The following IL1RAPL2 variants were observed in gnomAD, a reference collection of about 807,000 sequenced individuals.
The protein encoded by IL1RAPL2 is interleukin 1 receptor accessory protein like 2.
Under a neutral mutation model 44.1 loss-of-function variants are expected in IL1RAPL2, and 3 were observed. The observed-to-expected ratio is 0.07, with a 90% CI of 0.03 to 0.18. The LOEUF (loss-of-function observed/expected upper bound fraction) is 0.18. Ranked by LOEUF, IL1RAPL2 falls within the 10% of genes least tolerant of loss-of-function variation. The pLI, the probability that IL1RAPL2 is intolerant of heterozygous loss-of-function variation, is 1.00. For synonymous variants in IL1RAPL2, 181 were observed against 178.8 expected, an observed-to-expected ratio of 1.01 and a Z score of -0.10; for missense variants, 391 against 496.4, an observed-to-expected ratio of 0.79 and a Z score of 2.02.
At chrX:105,378,126 T>C (rs2035402022) in intron 5 of IL1RAPL2, among the ~76,000 whole-genome samples, 1 of 111,820 alleles carries the variant, frequency 8.9e-6, no homozygotes, top group African/African-American at 3.2e-5. Context: ...AAGGACATTC[T>C]CCTTGTTTCA....
chrX:105,698,695 T>A (rs1190062810), intron 6 of IL1RAPL2, among the ~76,000 whole-genome samples: 3 of 112,038 alleles, frequency 2.7e-5, no homozygotes, highest in Non-Finnish European at 5.6e-5. Flanking sequence ...GTAAGAGAAA[T>A]AAGCTTTGAA....
chrX:104,825,971 G>A (rs924709692), intron 2 of IL1RAPL2, among the ~76,000 whole-genome samples: 1 of 111,556 alleles, frequency 9.0e-6, no homozygotes, highest in Non-Finnish European at 1.9e-5. Flanking sequence ...ACCTAAAATG[G>A]TCCTTGACTG....
intron 4 of IL1RAPL2, among the ~76,000 whole-genome samples, chrX:105,252,058 C>T (rs990286878): frequency 1.8e-5 from 2 of 111,197 alleles, no homozygotes; most frequent in African/African-American, 3.3e-5. Context: ...TTCTGTCACT[C>T]CAAGTTCTTC....
At chrX:105,260,516 A>C (rs1413773676) in intron 4 of IL1RAPL2, among the ~76,000 whole-genome samples, 1 of 112,183 alleles carries the variant, frequency 8.9e-6, no homozygotes, top group African/African-American at 3.2e-5. Flanking sequence ...TGAAATGGCT[A>C]GGTCACCCAA....
intron 2 of IL1RAPL2, among the ~76,000 whole-genome samples, chrX:104,995,680 A>G (rs1470782581): frequency 8.9e-6 from 1 of 111,985 alleles, no homozygotes; most frequent in African/African-American, 3.2e-5. Context: ...ATTTATCTTT[A>G]TGATAGAATG....
intron 2 of IL1RAPL2, among the ~76,000 whole-genome samples, chrX:105,085,540 A>T (rs752946759): frequency 8.9e-6 from 1 of 112,658 alleles, no homozygotes; most frequent in South Asian, 3.7e-4. Flanking sequence ...GCAAGGGTGT[A>T]CAGAAAAGAG....
At chrX:105,092,664 T>C (rs1388416450) in intron 2 of IL1RAPL2, among the ~76,000 whole-genome samples, 1 of 111,538 alleles carries the variant, frequency 9.0e-6, no homozygotes, top group Non-Finnish European at 1.9e-5. Context: ...CTGTCTATCA[T>C]AAGGCCCCTA....
chrX:105,578,654 A>G (rs1216315065), intron 6 of IL1RAPL2, among the ~76,000 whole-genome samples: 1 of 110,938 alleles, frequency 9.0e-6, no homozygotes, highest in Non-Finnish European at 1.9e-5. Context: ...AATAATTACA[A>G]AGGGAACAGA....
chrX:105,409,927 G>A (rs758006152), intron 5 of IL1RAPL2, among the ~76,000 whole-genome samples: 3 of 109,582 alleles, frequency 2.7e-5, no homozygotes, highest in South Asian at 4.0e-4. Flanking sequence ...TATAGATTTG[G>A]GGTATGCTTA....
intron 1 of IL1RAPL2, among the ~76,000 whole-genome samples, chrX:104,650,723 C>T (rs1930137917): frequency 8.9e-6 from 1 of 111,896 alleles, no homozygotes; most frequent in Non-Finnish European, 1.9e-5. Flanking sequence ...TGACTAAGTA[C>T]TCTACTATGC....
chrX:105,238,081 G>C (rs1295637151), intron 4 of IL1RAPL2, among the ~76,000 whole-genome samples: 1 of 112,181 alleles, frequency 8.9e-6, no homozygotes, highest in Non-Finnish European at 1.9e-5. Context: ...AATATTTATG[G>C]ACAGAAAAAG....
At chrX:104,763,529 C>A (rs746128849) in intron 2 of IL1RAPL2, among the ~76,000 whole-genome samples, 1 of 111,872 alleles carries the variant, frequency 8.9e-6, no homozygotes, top group Non-Finnish European at 1.9e-5. Flanking sequence ...CCACTCTCTG[C>A]AATACCAAAT....
chrX:105,193,500 A>G (rs1209197179), intron 2 of IL1RAPL2, among the ~76,000 whole-genome samples: 1 of 112,139 alleles, frequency 8.9e-6, no homozygotes, highest in Non-Finnish European at 1.9e-5. Flanking sequence ...AGAATAATAT[A>G]AAATCCATTT....
intron 6 of IL1RAPL2, among the ~76,000 whole-genome samples, chrX:105,606,815 G>A (rs1034512320): frequency 9.0e-6 from 1 of 111,285 alleles, no homozygotes; most frequent in Non-Finnish European, 1.9e-5. Flanking sequence ...AATACAGTAT[G>A]TTCTCACTCA....
chrX:105,704,731 T>C (rs905347603), intron 6 of IL1RAPL2, among the ~76,000 whole-genome samples: 1 of 110,725 alleles, frequency 9.0e-6, no homozygotes, highest in African/African-American at 3.3e-5. Context: ...ATCACCTAGG[T>C]ATTAAGCCCA....
At chrX:105,471,932 G>A (rs999380135) in intron 5 of IL1RAPL2, among the ~76,000 whole-genome samples, 1 of 111,374 alleles carries the variant, frequency 9.0e-6, no homozygotes, top group African/African-American at 3.3e-5. Flanking sequence ...GAAACATCCA[G>A]TGGCACTAGA....
chrX:104,612,708 G>T (rs2091685408), intron 1 of IL1RAPL2, among the ~76,000 whole-genome samples: 2 of 110,882 alleles, frequency 1.8e-5, no homozygotes, highest in Admixed American at 9.7e-5. Flanking sequence ...TTCTAGTTCT[G>T]TGAAAAATGA....
At chrX:104,958,833 G>A (rs2029950980) in intron 2 of IL1RAPL2, among the ~76,000 whole-genome samples, 1 of 110,412 alleles carries the variant, frequency 9.1e-6, no homozygotes, top group South Asian at 4.0e-4. Flanking sequence ...CTGGGGGTAA[G>A]TGCCAAGCTG....
intron 2 of IL1RAPL2, among the ~76,000 whole-genome samples, chrX:105,026,349 A>G (rs761223371): frequency 9.0e-6 from 1 of 110,548 alleles, no homozygotes; most frequent in Non-Finnish European, 1.9e-5. Context: ...TGCTCTAATG[A>G]GCATTTCCTT....
Sources: allele counts gnomAD v4.1 joint callset (sites outside exome capture counted in the v4.1 genomes callset), GRCh38; gene constraint gnomAD v4.1.1; transcripts MANE v1.5; gene names NCBI Gene and HGNC (gene_info 2026-07-23, HGNC 2026-07-21).